Variants in ASS1 observed in about 807,000 individuals in gnomAD.
ASS1 encodes argininosuccinate synthase 1.
ASS1 carries 58 observed loss-of-function variants against 60.5 expected under a neutral mutation model. The observed-to-expected ratio is 0.96, with a 90% confidence interval of 0.78 to 1.19. The LOEUF is 1.19. Among genes scored for constraint, ASS1 ranks in the 50% most tolerant of loss-of-function variants. The pLI, the probability that ASS1 is intolerant of heterozygous loss-of-function variation, is 0.00. For synonymous variants in ASS1, 200 were observed against 206.9 expected (o/e 0.97, Z 0.29); for missense variants, 454 against 547.3 (o/e 0.83, Z 1.70).
chr9:130,486,076 TC>T (rs1482739182), intron 11 of ASS1, among the ~76,000 whole-genome samples: 1 of 152,072 alleles, frequency 6.6e-6, no homozygotes. Context: ...AGCCTCAACC[TC>T]CTGGGCTCCA....
chr9:130,452,177 C>G, intron 1 of ASS1, 47 bp from the exon 2 acceptor site: 1 of 1,524,968 alleles, frequency 6.6e-7, no homozygotes, highest in Non-Finnish European at 9.0e-7. Flanking sequence ...TGGCGGGGGG[C>G]ACTGGCTGTC....
rs1846543947 is a variant in ASS1, at chr9:130,494,969, T to G, written c.1073T>G (p.Val358Gly). ...KVQVSVLKGQ[V>G]YILGRESPLS... ...CAGGTGTCCGTCCTCAAGGGCCAGG[T>G]GTACATCCTCGGCCGGGAGTCCCCA... The change falls in exon 13 of 15, where the codon GTG (valine) becomes GGG (glycine). Residue 358 changes from valine to glycine, a missense_variant. Coordinates refer to ENST00000352480, the MANE Select transcript of ASS1 (RefSeq NM_054012.4). The surrounding 1 kb of genome is among the most constrained non-coding windows in gnomAD (Gnocchi z 4.3). 6.2e-7 allele frequency: 1 copy of G among 1,613,526 alleles called. No individual in the cohort carries two copies. The highest frequency in any genetic ancestry group is 8.5e-7 in the Non-Finnish European group (1 of 1,179,988).
chr9:130,481,774 G>A (rs761656504), intron 11 of ASS1, among the ~76,000 whole-genome samples: 99 of 152,302 alleles, frequency 6.5e-4, no homozygotes, highest in African/African-American at 2.2e-3. Flanking sequence ...ATGGGAGCGC[G>A]GAAGGGGAGG....
intron 13 of ASS1, 50 bp downstream of exon 13, chr9:130,495,073 C>A (rs1270965746): frequency 1.9e-6 from 3 of 1,560,154 alleles, no homozygotes; most frequent in Non-Finnish European, 2.6e-6. Flanking sequence ...CAGAGCCTAT[C>A]TTTTGACTGG....
rs1846078463 is a variant in ASS1, at chr9:130,478,510, A to G, written c.689-1206A>G. Among the ~76,000 whole-genome samples the G allele has an allele frequency of 6.6e-6, 1 of 152,232 alleles. No homozygotes were observed. The highest frequency in any genetic ancestry group is 1.5e-5 in the Non-Finnish European group (1 of 68,038). On this transcript the variant is annotated intron_variant, in intron 9 of 14. Transcript: ENST00000352480. This position sits in a 1 kb window ranked among gnomAD's most constrained non-coding sequence, Gnocchi z 4.7. ...TTTGGGGACTGTCTGGAAGAAGAAA[A>G]AAAGACCGGAGGAACCCTCCCCTGG... is the stretch of plus-strand genomic sequence containing the variant.
chr9:130,489,245 A>ATTT lies in ASS1; in HGVS notation c.839-79_839-77dup, dbSNP rs374255376. The ATTT allele has an allele frequency of 3.7e-5, 50 of 1,364,944 alleles. No individual in the cohort carries two copies. The highest frequency in any genetic ancestry group is 2.6e-4 in the Middle Eastern group (1 of 3,830). 84.6% of individuals were successfully genotyped at this position (1,364,944 alleles called of 1,614,324 possible). A position where few individuals can be genotyped will look rare whatever the true frequency, so the allele number is the denominator to read the frequency against. ...TGTCAGACGACTCATTATTATTATT[A>ATTT]TTTTTTTTTTTGTCATTTGCTGACA... On this transcript the variant is annotated intron_variant, in intron 11 of 14. Transcript: ENST00000352480. This position sits in a 1 kb window ranked among gnomAD's most constrained non-coding sequence, Gnocchi z 4.1.
chr9:130,464,561 G>A (rs1191330920), intron 5 of ASS1, among the ~76,000 whole-genome samples: 2 of 152,136 alleles, frequency 1.3e-5, no homozygotes, highest in Non-Finnish European at 2.9e-5. Context: ...TGTCTGGGAT[G>A]CTCAGAGCCC....
intron 12 of ASS1, among the ~76,000 whole-genome samples, chr9:130,492,635 GCATCT>G (rs1588506487): frequency 6.6e-6 from 1 of 152,226 alleles, no homozygotes; most frequent in Non-Finnish European, 1.5e-5. Context: ...GCCCAGAGGA[GCATCT>G]CATCTAGGGG....
At chr9:130,464,704 G>A (rs570622978) in intron 5 of ASS1, among the ~76,000 whole-genome samples, 25 of 152,224 alleles carry the variant, frequency 1.6e-4, no homozygotes, top group Admixed American at 1.2e-3. Context: ...GCCCTGGCCC[G>A]TGGCATGTCA....
chr9:130,482,536 G>T (rs531221227), intron 11 of ASS1, among the ~76,000 whole-genome samples: 1 of 152,070 alleles, frequency 6.6e-6, no homozygotes, highest in South Asian at 2.1e-4. Flanking sequence ...CTATTGGAAA[G>T]ATAAGGACTG....
chr9:130,499,450 C>G, intron 13 of ASS1, 55 bp from the exon 14 acceptor site: 2 of 1,579,790 alleles, frequency 1.3e-6, no homozygotes, highest in East Asian at 2.2e-5. Flanking sequence ...GCAGTCCTCC[C>G]TTCAAGCAGA....
rs145092394 is a variant in ASS1 at position 130,451,617 on chromosome 9, G to T, written c.-5-607G>T. On this transcript the variant is annotated intron_variant, in intron 1 of 14. Coordinates refer to ENST00000352480, the MANE Select transcript of ASS1 (RefSeq NM_054012.4). ...CCACCTGCAGGTGGGCGGCGGCACT[G>T]CGTGCTGGGGAAGCACAGATTCTTG... The T allele has an allele frequency of 5.2e-3, 1,839 of 352,646 alleles. 35 individuals carry two copies. Among genetic ancestry groups the T allele is most frequent in the African/African-American group, 0.035 (1,652 of 46,758 alleles). 21.8% of individuals were successfully genotyped at this position (352,646 alleles called of 1,614,324 possible). A position where few individuals can be genotyped will look rare whatever the true frequency, so the allele number is the denominator to read the frequency against.
chr9:130,496,003 C>G (rs1046896860), intron 13 of ASS1, among the ~76,000 whole-genome samples: 1 of 152,052 alleles, frequency 6.6e-6, no homozygotes, highest in Admixed American at 6.6e-5. Flanking sequence ...GGAAGGCCGC[C>G]GGACACTTGG....
chr9:130,451,318 T>C (rs563120647), intron 1 of ASS1, among the ~76,000 whole-genome samples: 1 of 152,196 alleles, frequency 6.6e-6, no homozygotes, highest in Admixed American at 6.5e-5. Context: ...CAGAGAGCCC[T>C]CGTGCCCATC....
rs190458554 is a variant in ASS1 at position 130,500,052 on chromosome 9, A to G, written c.1193+482A>G. On this transcript the variant is annotated intron_variant, in intron 14 of 14. Coordinates refer to ENST00000352480, the MANE Select transcript of ASS1 (RefSeq NM_054012.4). The stretch of plus-strand genomic sequence containing the variant: ...TCACTCAGACCTTTGATCCTCTGTG[A>G]GTCACCAGTAAGAGTGTCAGCTGTA... 2.3e-3 allele frequency among the ~76,000 whole-genome samples: 348 copies of G among 152,250 alleles called. 1 individual carries two copies. The highest frequency in any genetic ancestry group is 8.2e-3 in the African/African-American group (339 of 41,528).
At position 130,459,255 on chromosome 9, in the gene ASS1, C is replaced by T. The variant is rs1427779134; in HGVS notation, c.363+666C>T. 6.6e-6 allele frequency among the ~76,000 whole-genome samples: 1 copy of T among 152,090 alleles called. No individual in the cohort carries two copies. The highest frequency in any genetic ancestry group is 1.5e-5 in the Non-Finnish European group (1 of 68,016). ...CCAGCTTCCAGTGGCCTCTGGTGTC[C>T]CTTAGCGTGTGGCTGCGTCACTCCT... On this transcript the variant is annotated intron_variant, in intron 4 of 14. Coordinates refer to ENST00000352480, the MANE Select transcript of ASS1 (RefSeq NM_054012.4). The surrounding 1 kb of genome is among the most constrained non-coding windows in gnomAD (Gnocchi z 4.6).
Position 130,491,290 on chromosome 9 carries a change from A to G in ASS1, c.970+1826A>G, listed in dbSNP as rs997031682. On this transcript the variant is annotated intron_variant, in intron 12 of 14. Coordinates refer to ENST00000352480, the MANE Select transcript of ASS1 (RefSeq NM_054012.4). The surrounding 1 kb of genome is among the most constrained non-coding windows in gnomAD (Gnocchi z 5.3). ...ATTTTAGTTACAAAGTGAGAGAGTCATTAAGACGTGGCGGAGGAGAGAGCA... is the reference window on the plus strand; with the variant it reads ...ATTTTAGTTACAAAGTGAGAGAGTCGTTAAGACGTGGCGGAGGAGAGAGCA... 1.4e-4 allele frequency among the ~76,000 whole-genome samples: 21 copies of G among 152,168 alleles called. No individual in the cohort carries two copies. Among genetic ancestry groups the G allele is most frequent in the African/African-American group, 5.1e-4 (21 of 41,442 alleles).
chr9:130,454,993 A>G (rs1845412743), intron 3 of ASS1, among the ~76,000 whole-genome samples: 1 of 142,990 alleles, frequency 7.0e-6, no homozygotes, highest in Admixed American at 6.9e-5. Context: ...CCATTCATCC[A>G]TCATCCATCC....
rs78570661 is a variant in ASS1, at chr9:130,475,541, G to A, written c.598-1330G>A. On this transcript the variant is annotated intron_variant, in intron 8 of 14. Transcript: ENST00000352480. ...TGTGTATTTGGCGAGGACCTCGCGG[G>A]GCTCCTGTCCTGAGTGCCAGGGAAC... Among the ~76,000 whole-genome samples the A allele has an allele frequency of 4.1e-3, 621 of 152,192 alleles. 3 individuals are homozygous for A. The highest frequency in any genetic ancestry group is 0.014 in the African/African-American group (586 of 41,504).
Sources: allele counts gnomAD v4.1 joint callset (sites outside exome capture counted in the v4.1 genomes callset), GRCh38; gene constraint gnomAD v4.1.1; non-coding constraint Gnocchi (gnomAD v3.1); transcripts MANE v1.5; gene names NCBI Gene and HGNC (gene_info 2026-07-23, HGNC 2026-07-21).